The following UBE2E2 variants were observed in gnomAD, a reference collection of about 807,000 sequenced individuals.
UBE2E2 encodes the protein ubiquitin-conjugating enzyme E2 E2.
In UBE2E2, 6 loss-of-function variants were observed where a neutral mutation model predicts 24.7. That is an observed-to-expected ratio of 0.24 (90% CI 0.13 to 0.48). The LOEUF is 0.48. Among genes scored for constraint, UBE2E2 ranks in the 20% least tolerant of loss-of-function variants. The pLI, the probability that UBE2E2 is intolerant of heterozygous loss-of-function variation, is 0.99. For synonymous variants in UBE2E2, 104 were observed against 83.6 expected (o/e 1.24, Z -1.33); for missense variants, 169 against 245.0 (o/e 0.69, Z 2.07).
At chr3:23,564,713 G>A (rs1189311992) in intron 5 of UBE2E2, among the ~76,000 whole-genome samples, 2 of 152,162 alleles carry the variant, frequency 1.3e-5, no homozygotes, top group Non-Finnish European at 2.9e-5. Flanking sequence ...AGAAAGCCTG[G>A]TGCTTTCCAC....
chr3:23,518,531 G>A (rs1694793115), intron 4 of UBE2E2, among the ~76,000 whole-genome samples: 1 of 152,218 alleles, frequency 6.6e-6, no homozygotes, highest in Non-Finnish European at 1.5e-5. Flanking sequence ...TTTACAGTGA[G>A]GAAGGAAACT....
intron 3 of UBE2E2, among the ~76,000 whole-genome samples, chr3:23,379,376 C>T (rs1047321189): frequency 6.0e-5 from 9 of 149,608 alleles, no homozygotes; most frequent in East Asian, 3.9e-4. Context: ...GTATATCCCC[C>T]GATGCTATCC....
intron 3 of UBE2E2, among the ~76,000 whole-genome samples, chr3:23,429,443 A>G (rs1306240045): frequency 2.0e-5 from 3 of 152,174 alleles, no homozygotes; most frequent in Non-Finnish European, 2.9e-5. Flanking sequence ...ACCATGACCA[A>G]ATGGGATTTA....
intron 4 of UBE2E2, among the ~76,000 whole-genome samples, chr3:23,520,515 T>A (rs2125474338): frequency 6.6e-6 from 1 of 152,354 alleles, no homozygotes; most frequent in Middle Eastern, 3.4e-3. Context: ...TTGTGAATAC[T>A]CTGCTACTTT....
At chr3:23,342,777 T>C (rs1695433073) in intron 3 of UBE2E2, among the ~76,000 whole-genome samples, 1 of 152,138 alleles carries the variant, frequency 6.6e-6, no homozygotes, top group Non-Finnish European at 1.5e-5. Flanking sequence ...TTGATAGAAA[T>C]GGGAGGGGAA....
intron 4 of UBE2E2, among the ~76,000 whole-genome samples, chr3:23,500,622 A>G (rs1050849932): frequency 6.6e-6 from 1 of 152,208 alleles, no homozygotes; most frequent in African/African-American, 2.4e-5. Context: ...ACTTGTTTGT[A>G]TTGTGGGTTG....
intron 3 of UBE2E2, among the ~76,000 whole-genome samples, chr3:23,297,308 G>T (rs1698940257): frequency 6.6e-6 from 1 of 151,726 alleles, no homozygotes. Flanking sequence ...AAGCTCTTTA[G>T]TTTAATTAGA....
intron 5 of UBE2E2, among the ~76,000 whole-genome samples, chr3:23,555,990 T>A (rs1229368475): frequency 6.6e-6 from 1 of 152,006 alleles, no homozygotes; most frequent in Non-Finnish European, 1.5e-5. Flanking sequence ...TTTTTCTAAA[T>A]GAGTAGATTA....
intron 3 of UBE2E2, among the ~76,000 whole-genome samples, chr3:23,345,154 CT>C (rs1695514145): frequency 6.6e-6 from 1 of 152,178 alleles, no homozygotes; most frequent in Admixed American, 6.5e-5. Flanking sequence ...TGTAGACCAT[CT>C]GCCTGTCAGT....
At chr3:23,498,621 G>T (rs1699656143) in intron 3 of UBE2E2, among the ~76,000 whole-genome samples, 1 of 152,046 alleles carries the variant, frequency 6.6e-6, no homozygotes, top group South Asian at 2.1e-4. Flanking sequence ...TCTCCATAAA[G>T]ATCTTACACA....
At chr3:23,523,294 C>T (rs1368265658) in intron 4 of UBE2E2, among the ~76,000 whole-genome samples, 2 of 152,190 alleles carry the variant, frequency 1.3e-5, no homozygotes, top group African/African-American at 4.8e-5. Context: ...GAATAAGATG[C>T]TCCCAATCTT....
chr3:23,421,440 A>C (rs545619918), intron 3 of UBE2E2, among the ~76,000 whole-genome samples: 271 of 152,348 alleles, frequency 1.8e-3, no homozygotes, highest in Non-Finnish European at 3.0e-3. Context: ...GAATGAAATC[A>C]TGTCTGTTGC....
At chr3:23,263,641 G>A (rs1697962413) in intron 3 of UBE2E2, among the ~76,000 whole-genome samples, 1 of 152,168 alleles carries the variant, frequency 6.6e-6, no homozygotes, top group Admixed American at 6.5e-5. Context: ...AAAAAAGAGG[G>A]TGGTTTGAAC....
chr3:23,374,924 C>G (rs1696484780), intron 3 of UBE2E2, among the ~76,000 whole-genome samples: 1 of 152,024 alleles, frequency 6.6e-6, no homozygotes, highest in African/African-American at 2.4e-5. Context: ...GCTCACAAAT[C>G]TAATTTTTCA....
intron 5 of UBE2E2, among the ~76,000 whole-genome samples, chr3:23,581,905 C>G (rs1012760450): frequency 6.6e-6 from 1 of 152,102 alleles, no homozygotes; most frequent in African/African-American, 2.4e-5. Context: ...GCTGCTTATC[C>G]CTTTTAGTCT....
chr3:23,309,561 G>A (rs1482026247), intron 3 of UBE2E2, among the ~76,000 whole-genome samples: 1 of 152,132 alleles, frequency 6.6e-6, no homozygotes, highest in Non-Finnish European at 1.5e-5. Context: ...GGCATAGGCT[G>A]TTCTGTCTTG....
At chr3:23,211,251 A>G (rs1258469320) in intron 2 of UBE2E2, among the ~76,000 whole-genome samples, 1 of 152,110 alleles carries the variant, frequency 6.6e-6, no homozygotes, top group African/African-American at 2.4e-5. Context: ...TTTATTTCAC[A>G]CTTTTTTGTT....
intron 4 of UBE2E2, among the ~76,000 whole-genome samples, chr3:23,505,172 T>A (rs966518994): frequency 6.6e-6 from 1 of 151,534 alleles, no homozygotes; most frequent in African/African-American, 2.4e-5. Flanking sequence ...CTGCGCACTT[T>A]GGCCTCCCAA....
chr3:23,538,897 C>A (rs1695325992), intron 5 of UBE2E2, among the ~76,000 whole-genome samples: 1 of 152,092 alleles, frequency 6.6e-6, no homozygotes, highest in Non-Finnish European at 1.5e-5. Context: ...TAAACCATTT[C>A]TTTAGTTGTC....
Sources: allele counts gnomAD v4.1 joint callset (sites outside exome capture counted in the v4.1 genomes callset), GRCh38; gene constraint gnomAD v4.1.1; transcripts MANE v1.5; gene names NCBI Gene and HGNC (gene_info 2026-07-23, HGNC 2026-07-21).